The following TNRC6B variants were observed in gnomAD, a reference collection of about 807,000 sequenced individuals.
The protein encoded by TNRC6B is trinucleotide repeat containing adaptor 6B.
TNRC6B carries 52 observed loss-of-function variants against 203.6 expected under a neutral mutation model. That is an observed-to-expected ratio of 0.26 (90% CI 0.20 to 0.32). The LOEUF (loss-of-function observed/expected upper bound fraction) is 0.32. Among genes scored for constraint, TNRC6B ranks in the 10% least tolerant of loss-of-function variants. The pLI is 1.00. For missense variants in TNRC6B, 1,923 were observed against 2,286.2 expected, an observed-to-expected ratio of 0.84 and a Z score of 3.24; for synonymous variants, 838 against 845.7, an observed-to-expected ratio of 0.99 and a Z score of 0.16.
At chr22:40,115,252 G>A (rs2068376814) in intron 1 of TNRC6B, among the ~76,000 whole-genome samples, 1 of 152,206 alleles carries the variant, frequency 6.6e-6, no homozygotes, top group Non-Finnish European at 1.5e-5. Context: ...GATAGATCCA[G>A]AGAAGAGGCT....
chr22:40,297,511 G>A (rs556112865), intron 12 of TNRC6B, among the ~76,000 whole-genome samples: 19 of 152,102 alleles, frequency 1.2e-4, no homozygotes, highest in Non-Finnish European at 1.9e-4. Context: ...AAGGTCTTAA[G>A]CTCAAATTAA....
chr22:40,052,773 G>T (rs1397600356), intron 1 of TNRC6B, among the ~76,000 whole-genome samples: 2 of 152,062 alleles, frequency 1.3e-5, no homozygotes, highest in East Asian at 3.9e-4. Context: ...TTCCCCATAG[G>T]ACTGAGTTTC....
intron 2 of TNRC6B, among the ~76,000 whole-genome samples, chr22:40,250,529 T>G (rs1233798210): frequency 6.6e-6 from 1 of 152,212 alleles, no homozygotes; most frequent in African/African-American, 2.4e-5. Flanking sequence ...ACTGCTGTAC[T>G]TCATGCTATT....
intron 1 of TNRC6B, among the ~76,000 whole-genome samples, chr22:40,112,903 G>A (rs1229117159): frequency 6.6e-6 from 1 of 152,196 alleles, no homozygotes; most frequent in African/African-American, 2.4e-5. Context: ...TTGATCACTT[G>A]AGGTCAGGAG....
chr22:40,176,142 G>A (rs1489403642), upstream of TNRC6B, among the ~76,000 whole-genome samples: 1 of 70,578 alleles, frequency 1.4e-5, no homozygotes, highest in African/African-American at 5.3e-5. Flanking sequence ...TTTTTTTTTT[G>A]AGATGGAGTT....
chr22:40,145,067 C>CAAAAA (rs768152120), intron 3 of TNRC6B, among the ~76,000 whole-genome samples: 32 of 96,010 alleles, frequency 3.3e-4, no homozygotes, highest in African/African-American at 1.0e-3. Flanking sequence ...TCTAGCTCCA[C>CAAAAA]AAAAAAAAAA....
At chr22:40,206,155 G>GT (rs916419300) in intron 1 of TNRC6B, among the ~76,000 whole-genome samples, 1 of 151,608 alleles carries the variant, frequency 6.6e-6, no homozygotes, top group African/African-American at 2.4e-5. Context: ...TTTATTTTTT[G>GT]TTTTTTTGAG....
In TNRC6B at chr22:40,264,854, T is replaced by G; in HGVS notation, c.624T>G (p.Thr208=). ...GGCCTTGTATTGCCAGCAAAGACAC[T>G]GAATCTTCTTCCGAAAACACCACCG... The part of the protein sequence containing the change: ...EEWPCIASKD[T]ESSSENTTDN... The change falls in exon 5 of 23, where the codon ACT becomes ACG. Residue 208 remains threonine (T), a synonymous_variant. Transcript: ENST00000454349. 1 of 1,613,852 alleles carries G rather than the reference T, an allele frequency of 6.2e-7. No individual in the cohort carries two copies. Among genetic ancestry groups the G allele is most frequent in the African/African-American group, 1.3e-5 (1 of 74,998 alleles).
intron 4 of TNRC6B, among the ~76,000 whole-genome samples, chr22:40,170,859 A>G (rs1402658895): frequency 3.2e-5 from 4 of 124,944 alleles, no homozygotes; most frequent in Admixed American, 8.9e-5. Flanking sequence ...GTGTGTATAT[A>G]TACATATATG....
chr22:40,202,215 G>A (rs1287091624), intron 1 of TNRC6B, among the ~76,000 whole-genome samples: 3 of 150,188 alleles, frequency 2.0e-5, no homozygotes, highest in Non-Finnish European at 4.4e-5. Flanking sequence ...AACCAGAATA[G>A]GCTTTTAAAA....
intron 1 of TNRC6B, among the ~76,000 whole-genome samples, chr22:40,061,900 C>G (rs1601791929): frequency 1.3e-5 from 2 of 151,976 alleles, no homozygotes; most frequent in South Asian, 4.2e-4. Context: ...ATGGTGAAAC[C>G]TTGTCTCTAC....
chr22:40,270,702 T>A (rs553444976), intron 6 of TNRC6B, among the ~76,000 whole-genome samples: 1 of 152,312 alleles, frequency 6.6e-6, no homozygotes, highest in Non-Finnish European at 1.5e-5. Context: ...AGCTGTTGAT[T>A]CAATGAGATT....
chr22:40,206,112 C>A (rs965960686), intron 1 of TNRC6B, among the ~76,000 whole-genome samples: 3 of 152,108 alleles, frequency 2.0e-5, no homozygotes, highest in Non-Finnish European at 4.4e-5. Context: ...ATGTCCAACA[C>A]ATAATGAGCC....
chr22:40,153,169 C>T (rs2068775277), intron 3 of TNRC6B, among the ~76,000 whole-genome samples: 1 of 152,128 alleles, frequency 6.6e-6, no homozygotes, highest in African/African-American at 2.4e-5. Context: ...AAGGACGTTT[C>T]AGTCATTCAA....
In TNRC6B at chr22:40,325,772, G is replaced by A. The variant is rs539540195; in HGVS notation, c.*2531G>A. On this transcript the variant is annotated 3_prime_UTR_variant, in exon 23 of 23. Coordinates refer to ENST00000454349, the MANE Select transcript of TNRC6B (RefSeq NM_001162501.2). ...GGAGCATATCCCAAGGCTCCTGCGA[G>A]CCAGTGGCGACCCTGTCCACTGCCG... 1 of 152,808 alleles carries A rather than the reference G, an allele frequency of 6.5e-6. No individual in the cohort carries two copies. The highest frequency in any genetic ancestry group is 1.9e-4 in the East Asian group (1 of 5,192). 9.5% of individuals were successfully genotyped at this position (152,808 alleles called of 1,614,324 possible). A position where few individuals can be genotyped will look rare whatever the true frequency, so the allele number is the denominator to read the frequency against.
At chr22:40,047,993 T>C (rs2067706476) in intron 1 of TNRC6B, among the ~76,000 whole-genome samples, 1 of 152,208 alleles carries the variant, frequency 6.6e-6, no homozygotes, top group Non-Finnish European at 1.5e-5. Flanking sequence ...AGAAAATGAC[T>C]AGTTCATGTG....
intron 3 of TNRC6B, among the ~76,000 whole-genome samples, chr22:40,154,404 C>T (rs1434352522): frequency 3.3e-5 from 5 of 151,450 alleles, no homozygotes; most frequent in Non-Finnish European, 7.4e-5. Context: ...GTGGAGGTTG[C>T]AGTGAGCCAA....
intron 1 of TNRC6B, among the ~76,000 whole-genome samples, chr22:40,211,981 C>G (rs181055927): frequency 6.6e-6 from 1 of 152,162 alleles, no homozygotes; most frequent in African/African-American, 2.4e-5. Context: ...TTCAAATGTT[C>G]GCTTTTGCAA....
At chr22:40,151,076 A>G (rs944175646) in intron 3 of TNRC6B, among the ~76,000 whole-genome samples, 2 of 152,238 alleles carry the variant, frequency 1.3e-5, no homozygotes, top group Non-Finnish European at 2.9e-5. Flanking sequence ...CAAAAGAGGA[A>G]CTTGGAGGAA....
Sources: gnomAD v4.1 joint callset for allele counts (sites outside exome capture counted in the v4.1 genomes callset) on GRCh38, gnomAD v4.1.1 for gene constraint, MANE v1.5 for transcripts, NCBI Gene and HGNC (gene_info 2026-07-23, HGNC 2026-07-21) for gene names.